Variants in CDK2AP2 observed in about 807,000 individuals in gnomAD.
CDK2AP2 encodes the protein cyclin-dependent kinase 2-associated protein 2.
Under a neutral mutation model 13.0 loss-of-function variants are expected in CDK2AP2, and 1 was observed. That is an observed-to-expected ratio of 0.08 (90% confidence interval 0.03 to 0.37). The LOEUF is 0.37. Among genes scored for constraint, CDK2AP2 ranks in the 10% least tolerant of loss-of-function variants. CDK2AP2 has a pLI of 0.99. For missense variants in CDK2AP2, 129 were observed against 175.8 expected, an observed-to-expected ratio of 0.73 and a Z score of 1.50; for synonymous variants, 76 against 73.0, an observed-to-expected ratio of 1.04 and a Z score of -0.21.
chr11:67,507,973 G>A lies in CDK2AP2; in HGVS notation c.82+28C>T, dbSNP rs1038411339. 7 of 1,549,574 alleles carry A rather than the reference G, an allele frequency of 4.5e-6. No individual in the cohort carries two copies. The African/African-American group carries it at 8.2e-5, about 18-fold the overall frequency. ...CTTCGAGACCTCGACCGCCCGGCAG[G>A]CGAGCAGGGGTGGAGCTGGATCCTC... On this transcript the variant is annotated intron_variant, in intron 1 of 3. Transcript: ENST00000301488.
At chr11:67,507,257 C>A (rs1866553065) in intron 3 of CDK2AP2, 108 bp downstream of exon 3, 1 of 1,261,268 alleles carries the variant, frequency 7.9e-7, no homozygotes, top group African/African-American at 1.5e-5. Context: ...GGTAGTAATA[C>A]TGGACATCCT....
In CDK2AP2 at chr11:67,508,117, C is replaced by T; in HGVS notation, c.-35G>A. The T allele has an allele frequency of 1.4e-6, 2 of 1,446,548 alleles. No individual in the cohort carries two copies. Among genetic ancestry groups the T allele is most frequent in the East Asian group, 2.6e-5 (1 of 38,196 alleles). The allele number at this position is 1,446,548 out of a possible 1,614,324, so 89.6% of individuals were successfully genotyped here. On this transcript the variant is annotated 5_prime_UTR_variant, in exon 1 of 4. Transcript: ENST00000301488. ...CTGGGCGCGGCGGACGCCAGCCGGC[C>T]GCTCCTCGGGGGTTGGCTGCGGGGC...
chr11:67,507,598 G>A lies in CDK2AP2; in HGVS notation c.174C>T (p.Tyr58=), dbSNP rs1866560790. 3 of 1,610,360 alleles carry A rather than the reference G, an allele frequency of 1.9e-6. No individual in the cohort carries two copies. The highest frequency in any genetic ancestry group is 2.2e-5 in the East Asian group (1 of 44,760). The change falls in exon 2 of 4, where the codon TAC becomes TAT. Residue 58 remains tyrosine (Y), a synonymous_variant. Coordinates refer to ENST00000301488, the MANE Select transcript of CDK2AP2 (RefSeq NM_005851.5). ...AGGCTTTGGCCCCACTCACCTGCAC[G>A]TAGCCCATGGAAGGCGGTCCAAAGT... is the stretch of plus-strand genomic sequence containing the variant. ...FNDFGPPSMG[Y]VQAMKPPGAQ... is the part of the protein sequence containing the mutation.
At chr11:67,507,532 C>T in intron 2 of CDK2AP2, 35 bp from the exon 3 acceptor site, 3 of 1,613,714 alleles carry the variant, frequency 1.9e-6, no homozygotes, top group Non-Finnish European at 1.7e-6. Flanking sequence ...TGAGCTCAGG[C>T]ACCTGGCGGG....
Position 67,507,531 on chromosome 11 carries a change from G to A in CDK2AP2, c.181-34C>T, listed in dbSNP as rs773940753. 2.5e-6 allele frequency: 4 copies of A among 1,613,750 alleles called. No homozygotes were observed. The South Asian group carries it at 3.3e-5, about 13-fold the overall frequency. On this transcript the variant is annotated intron_variant, in intron 2 of 3. Coordinates refer to ENST00000301488, the MANE Select transcript of CDK2AP2 (RefSeq NM_005851.5). ...AAAGAGAACAGGGCAGTGAGCTCAG[G>A]CACCTGGCGGGGAGGGGGACTCCAG...
Position 67,507,797 on chromosome 11 carries a change from A to C in CDK2AP2, c.83-108T>G, listed in dbSNP as rs1396763325. The C allele has an allele frequency of 3.2e-6, 5 of 1,543,976 alleles. No homozygotes were observed. In the Admixed American group the frequency reaches 9.8e-5, roughly 30 times the overall value. Reference sequence around the variant, plus strand: ...CCCGATTCCCTCCAAAGGATGCTTCATTCCATGCTGATCAACTTCAGGGAC... The same window carrying C: ...CCCGATTCCCTCCAAAGGATGCTTCCTTCCATGCTGATCAACTTCAGGGAC... On this transcript the variant is annotated intron_variant, in intron 1 of 3. Transcript: ENST00000301488.
At position 67,507,668 on chromosome 11, in the gene CDK2AP2, C is replaced by A. The variant is rs1202857483; in HGVS notation, c.104G>T (p.Gly35Val). The change falls in exon 2 of 4, where the codon GGC (glycine) becomes GTC (valine). Residue 35 changes from glycine (G) to valine (V), a missense_variant. Physicochemically the swap from Gly to Val is moderately radical, Grantham distance 109. Transcript: ENST00000301488. ...VPTGSVPSPS[G>V]SVPGAGAPFR... is the part of the protein sequence containing the mutation. ...AGGAGCGCCGGCTCCTGGCACTGAG[C>A]CCGACGGCGACGGGACGCTTCCTGC... is the stretch of plus-strand genomic sequence containing the variant. 6.2e-7 allele frequency: 1 copy of A among 1,613,170 alleles called. No individual in the cohort carries two copies. The highest frequency in any genetic ancestry group is 1.6e-4 in the Middle Eastern group (1 of 6,062).
chr11:67,507,806 T>C (rs1866566821), intron 1 of CDK2AP2, 117 bp from the exon 2 acceptor site: 1 of 1,539,550 alleles, frequency 6.5e-7, no homozygotes, highest in Non-Finnish European at 8.7e-7. Flanking sequence ...CATTCCATGC[T>C]GATCAACTTC....
rs752172409 is a variant in CDK2AP2 at position 67,506,925 on chromosome 11, T to G, written c.*20A>C. 3 of 1,549,510 alleles carry G rather than the reference T, an allele frequency of 1.9e-6. No homozygotes were observed. The highest frequency in any genetic ancestry group is 2.4e-5 in the South Asian group (2 of 84,016). On this transcript the variant is annotated 3_prime_UTR_variant, in exon 4 of 4. Transcript: ENST00000301488. The stretch of plus-strand genomic sequence containing the variant: ...GCAGTGGCCGGATAGGTCCAGACGC[T>G]GAGGCCGAGGCGCTTCCTGTTACGT...
In CDK2AP2 at chr11:67,508,018, C is replaced by A; in HGVS notation, c.65G>T (p.Gly22Val). ...STPGSSTPGP[G>V]TPVPTGSVPS... ...ATCCTCACCTGTAGGGACCGGGGTG[C>A]CCGGCCCAGGGGTGCTGGAGCCAGG... Residue 22 changes from glycine (G) to valine (V), a missense_variant, in exon 1 of 4, where the codon GGC (glycine) becomes GTC (valine). Transcript: ENST00000301488. 1 of 1,542,988 alleles carries A rather than the reference C, an allele frequency of 6.5e-7. No homozygotes were observed.
chr11:67,507,782 T>C, intron 1 of CDK2AP2, 93 bp from the exon 2 acceptor site: 1 of 1,554,636 alleles, frequency 6.4e-7, no homozygotes, highest in Non-Finnish European at 8.7e-7. Flanking sequence ...CCCGATTCCC[T>C]CCAAAGGATG....
chr11:67,508,028 G>A lies in CDK2AP2; in HGVS notation c.55C>T (p.Pro19Ser). ...APSSTPGSST[P>S]GPGTPVPTGS... ...GTAGGGACCGGGGTGCCCGGCCCAG[G>A]GGTGCTGGAGCCAGGGGTGCTGCTG... Residue 19 changes from proline (P) to serine (S), a missense_variant, in exon 1 of 4, where the codon CCT becomes TCT. Pro to Ser is a moderately conservative substitution (Grantham distance 74). Transcript: ENST00000301488. The A allele has an allele frequency of 6.5e-7, 1 of 1,535,242 alleles. No individual in the cohort carries two copies.
chr11:67,507,784 C>A, intron 1 of CDK2AP2, 95 bp from the exon 2 acceptor site: 1 of 1,552,952 alleles, frequency 6.4e-7, no homozygotes, highest in Non-Finnish European at 8.7e-7. Flanking sequence ...CGATTCCCTC[C>A]AAAGGATGCT....
chr11:67,506,855 G>A lies in CDK2AP2; in HGVS notation c.*90C>T. The A allele has an allele frequency of 9.1e-7, 1 of 1,097,606 alleles. No homozygotes were observed. The highest frequency in any genetic ancestry group is 1.4e-6 in the Non-Finnish European group (1 of 739,900). The allele number at this position is 1,097,606 out of a possible 1,614,324, so 68.0% of individuals were successfully genotyped here. A position where few individuals can be genotyped will look rare whatever the true frequency, so the allele number is the denominator to read the frequency against. On this transcript the variant is annotated 3_prime_UTR_variant, in exon 4 of 4. Coordinates refer to ENST00000301488, the MANE Select transcript of CDK2AP2 (RefSeq NM_005851.5). Reference sequence around the variant, plus strand: ...GGACACAGGACAGGAAGCCCAGGATGGTTAGTGCAACTCGGGATGAAGGCC... The same window carrying A: ...GGACACAGGACAGGAAGCCCAGGATAGTTAGTGCAACTCGGGATGAAGGCC...
In CDK2AP2 at chr11:67,506,818, G is replaced by A. The variant is rs1866536186; in HGVS notation, c.*127C>T. ...AGGGCCACTCCTTGGTTCCTGGAGG[G>A]GACCCACCAAGGGACACAGGACAGG... On this transcript the variant is annotated 3_prime_UTR_variant, in exon 4 of 4. Coordinates refer to ENST00000301488, the MANE Select transcript of CDK2AP2 (RefSeq NM_005851.5). 4.0e-6 allele frequency: 3 copies of A among 754,990 alleles called. No homozygotes were observed. Among genetic ancestry groups the A allele is most frequent in the Non-Finnish European group, 6.6e-6 (3 of 454,032 alleles). The allele number at this position is 754,990 out of a possible 1,614,324, so 46.8% of individuals were successfully genotyped here. A position where few individuals can be genotyped will look rare whatever the true frequency, so the allele number is the denominator to read the frequency against.
rs779926306 is a variant in CDK2AP2, at chr11:67,507,413, G to A, written c.265C>T (p.Arg89Trp). ...SVIEEMGKEI[R>W]PTYAGSKSAM... is the part of the protein sequence containing the mutation. The stretch of plus-strand genomic sequence containing the variant: ...CTCTTGCTGCCAGCATAGGTAGGCC[G>A]GATCTCTTTGCCCATCTCCTCTATG... The change falls in exon 3 of 4, where the codon CGG (arginine) becomes TGG (tryptophan). Residue 89 changes from arginine (R) to tryptophan (W), a missense_variant. Transcript: ENST00000301488. The A allele has an allele frequency of 2.5e-6, 4 of 1,613,562 alleles. No individual in the cohort carries two copies. In the Admixed American group the frequency reaches 6.7e-5, roughly 27 times the overall value.
Position 67,507,356 on chromosome 11 carries a change from C to T in CDK2AP2, c.313+9G>A, listed in dbSNP as rs751217281. The T allele has an allele frequency of 1.8e-5, 29 of 1,612,162 alleles. No individual in the cohort carries two copies. The East Asian group carries it at 6.2e-4, about 35-fold the overall frequency. Reference sequence around the variant, plus strand: ...GGTTTCCTGAGCAGGGCGGCCTGGCCTCACTTACCTCTCTTCAGGCGCTCC... The same window carrying T: ...GGTTTCCTGAGCAGGGCGGCCTGGCTTCACTTACCTCTCTTCAGGCGCTCC... On this transcript the variant is annotated intron_variant, in intron 3 of 3. Coordinates refer to ENST00000301488, the MANE Select transcript of CDK2AP2 (RefSeq NM_005851.5).
At position 67,507,680 on chromosome 11, in the gene CDK2AP2, G is replaced by A; in HGVS notation, c.92C>T (p.Pro31Leu). 1 of 1,613,050 alleles carries A rather than the reference G, an allele frequency of 6.2e-7. No homozygotes were observed. ...TCCTGGCACTGAGCCCGACGGCGAC[G>A]GGACGCTTCCTGCAGCAACAGGCGC... ...PGTPVPTGSVPSPSGSVPGAG... is the reference protein window; with the variant it reads ...PGTPVPTGSVLSPSGSVPGAG... The change falls in exon 2 of 4, where the codon CCG becomes CTG. Residue 31 changes from proline to leucine, a missense_variant. Pro to Leu is a moderately conservative substitution (Grantham distance 98). Around this residue, in one of 2 missense-constraint regions of CDK2AP2, gnomAD observed 98 missense variants for 99.7 expected, o/e 0.98. Coordinates refer to ENST00000301488, the MANE Select transcript of CDK2AP2 (RefSeq NM_005851.5).
intron 2 of CDK2AP2, 44 bp downstream of exon 2, chr11:67,507,548 G>T: frequency 6.2e-7 from 1 of 1,613,622 alleles, no homozygotes; most frequent in Non-Finnish European, 8.5e-7. Context: ...GCGGGGAGGG[G>T]GACTCCAGTC....
Sources: gnomAD v4.1 joint callset for allele counts on GRCh38, gnomAD v4.1.1 for gene constraint, gnomAD v4.1.1 regional missense constraint, MANE v1.5 for transcripts, NCBI Gene and HGNC (gene_info 2026-07-23, HGNC 2026-07-21) for gene names.